Variants in GRM1 observed in about 807,000 individuals in gnomAD.
GRM1 encodes glutamate metabotropic receptor 1.
In GRM1, 33 loss-of-function variants were observed where a neutral mutation model predicts 90.9. The ratio of observed to expected loss-of-function variants is 0.36; its 90% CI spans 0.28 to 0.49. The LOEUF (loss-of-function observed/expected upper bound fraction) is 0.49. Ranked by LOEUF, GRM1 falls within the 20% of genes least tolerant of loss-of-function variation. The pLI is 0.99. For synonymous variants in GRM1, 700 were observed against 613.2 expected, an observed-to-expected ratio of 1.14 and a Z score of -2.09; for missense variants, 1,190 against 1,534.3, an observed-to-expected ratio of 0.78 and a Z score of 3.75.
chr6:146,121,648 T>C (rs1023048909), intron 1 of GRM1, among the ~76,000 whole-genome samples: 3 of 152,214 alleles, frequency 2.0e-5, no homozygotes, highest in Non-Finnish European at 4.4e-5. Context: ...TTTGTTCTCA[T>C]TGGTTTCAAA....
At chr6:146,325,396 A>C (rs1784368741) in intron 3 of GRM1, among the ~76,000 whole-genome samples, 1 of 152,240 alleles carries the variant, frequency 6.6e-6, no homozygotes, top group Non-Finnish European at 1.5e-5. Flanking sequence ...CATCTTTTCT[A>C]ACAAGAGATT....
chr6:146,277,895 C>T (rs1163110054), intron 2 of GRM1, among the ~76,000 whole-genome samples: 3 of 151,964 alleles, frequency 2.0e-5, no homozygotes, highest in African/African-American at 4.8e-5. Context: ...GAAAGCTTTC[C>T]TAAAATGCTT....
chr6:146,297,612 GA>G (rs1783225144), intron 2 of GRM1, among the ~76,000 whole-genome samples: 1 of 152,160 alleles, frequency 6.6e-6, no homozygotes, highest in South Asian at 2.1e-4. Context: ...GCAGGATCTA[GA>G]AATTAGAGAT....
rs137936127 is a variant in GRM1, at chr6:146,164,816, A to G, written c.950+5219A>G. The stretch of plus-strand genomic sequence containing the variant: ...CCACCCTGGTTTCCTCATCTTGGAA[A>G]GCCTTTACTGTAAGTTCACATTCTG... On this transcript the variant is annotated intron_variant, in intron 2 of 7. Coordinates refer to ENST00000282753, the MANE Select transcript of GRM1 (RefSeq NM_001278064.2). 2.6e-4 allele frequency among the ~76,000 whole-genome samples: 39 copies of G among 152,184 alleles called. 1 individual carries two copies. The South Asian group carries it at 6.8e-3, about 27-fold the overall frequency.
intron 2 of GRM1, among the ~76,000 whole-genome samples, chr6:146,160,759 G>A (rs1432872427): frequency 6.6e-6 from 1 of 152,122 alleles, no homozygotes; most frequent in African/African-American, 2.4e-5. Context: ...ACACTTGAGG[G>A]ACTTTTTAAA....
intron 3 of GRM1, among the ~76,000 whole-genome samples, chr6:146,330,521 T>C (rs905567110): frequency 1.3e-5 from 2 of 152,144 alleles, no homozygotes; most frequent in Non-Finnish European, 2.9e-5. Context: ...TTTGATCCAG[T>C]CTTGTAATCT....
intron 7 of GRM1, among the ~76,000 whole-genome samples, chr6:146,433,301 C>A (rs1295970805): frequency 6.6e-6 from 1 of 152,074 alleles, no homozygotes; most frequent in African/African-American, 2.4e-5. Context: ...TTTTATGTTC[C>A]TTATAGGTAC....
At chr6:146,217,027 A>G (rs936599061) in intron 2 of GRM1, among the ~76,000 whole-genome samples, 1 of 152,192 alleles carries the variant, frequency 6.6e-6, no homozygotes, top group Non-Finnish European at 1.5e-5. Context: ...ATTAATAGAC[A>G]TATATGTCTA....
intron 1 of GRM1, among the ~76,000 whole-genome samples, chr6:146,117,801 C>T (rs1443444598): frequency 6.6e-6 from 1 of 152,032 alleles, no homozygotes; most frequent in East Asian, 1.9e-4. Flanking sequence ...TATTTATTTT[C>T]CTTTCCCTTT....
intron 1 of GRM1, among the ~76,000 whole-genome samples, chr6:146,107,267 A>G (rs1001844502): frequency 5.3e-5 from 8 of 152,234 alleles, no homozygotes; most frequent in African/African-American, 1.9e-4. Flanking sequence ...GAAATATAAT[A>G]AAGGTACAAT....
intron 2 of GRM1, among the ~76,000 whole-genome samples, chr6:146,298,566 A>G (rs995452980): frequency 1.3e-5 from 2 of 152,198 alleles, no homozygotes; most frequent in Non-Finnish European, 2.9e-5. Flanking sequence ...GCAATAACAC[A>G]AGATGATTTT....
chr6:146,092,193 C>T (rs1040007923), intron 1 of GRM1, among the ~76,000 whole-genome samples: 3 of 152,056 alleles, frequency 2.0e-5, no homozygotes, highest in African/African-American at 4.8e-5. Flanking sequence ...AGCCCTGCTT[C>T]CTGGCTTGTA....
At chr6:146,116,673 A>C (rs1244798140) in intron 1 of GRM1, among the ~76,000 whole-genome samples, 2 of 152,094 alleles carry the variant, frequency 1.3e-5, no homozygotes, top group African/African-American at 2.4e-5. Context: ...TCATTGGTTG[A>C]AGATTGTAGC....
intron 3 of GRM1, among the ~76,000 whole-genome samples, chr6:146,306,820 G>C (rs1387331507): frequency 1.3e-5 from 2 of 152,110 alleles, no homozygotes; most frequent in Non-Finnish European, 2.9e-5. Context: ...GAATTGTCAA[G>C]AATAACTGTA....
rs948593261 is a variant in GRM1, at chr6:146,267,756, G to A, written c.951-36855G>A. On this transcript the variant is annotated intron_variant, in intron 2 of 7. Transcript: ENST00000282753. Reference sequence around the variant, plus strand: ...GTCTCGTCTCGTCTCGTCTCGTCTCGTCTCTTCATGTTTTTCTGCCTGCTT... The same window carrying A: ...GTCTCGTCTCGTCTCGTCTCGTCTCATCTCTTCATGTTTTTCTGCCTGCTT... Among the ~76,000 whole-genome samples the A allele has an allele frequency of 8.9e-5, 13 of 145,546 alleles. No homozygotes were observed. The East Asian group carries it at 2.7e-3, about 30-fold the overall frequency.
At chr6:146,305,463 C>T (rs1453603439) in intron 3 of GRM1, among the ~76,000 whole-genome samples, 1 of 152,106 alleles carries the variant, frequency 6.6e-6, no homozygotes, top group African/African-American at 2.4e-5. Flanking sequence ...TCCTTGCAAC[C>T]CCTAGTACTA....
chr6:146,209,934 T>A (rs1779630290), intron 2 of GRM1, among the ~76,000 whole-genome samples: 1 of 152,170 alleles, frequency 6.6e-6, no homozygotes, highest in Non-Finnish European at 1.5e-5. Context: ...GGTACTACAA[T>A]AAAATATTTT....
intron 2 of GRM1, among the ~76,000 whole-genome samples, chr6:146,256,909 C>T (rs968836594): frequency 6.6e-6 from 1 of 152,160 alleles, no homozygotes; most frequent in African/African-American, 2.4e-5. Flanking sequence ...CCCTCTACTG[C>T]AACGTCTAAT....
At chr6:146,187,221 A>G (rs1778765504) in intron 2 of GRM1, among the ~76,000 whole-genome samples, 1 of 152,144 alleles carries the variant, frequency 6.6e-6, no homozygotes, top group Non-Finnish European at 1.5e-5. Flanking sequence ...CATTATTCAA[A>G]TGTCTGTAGG....
Sources: allele counts gnomAD v4.1 joint callset (sites outside exome capture counted in the v4.1 genomes callset), GRCh38; gene constraint gnomAD v4.1.1; transcripts MANE v1.5; gene names NCBI Gene and HGNC (gene_info 2026-07-23, HGNC 2026-07-21).